Variants in NLRP14 observed in about 807,000 individuals in gnomAD.
NLRP14 encodes the protein NACHT, LRR and PYD domains-containing protein 14.
NLRP14 carries 105 observed loss-of-function variants against 94.7 expected under a neutral mutation model. That is an observed-to-expected ratio of 1.11 (90% CI 0.95 to 1.30). The LOEUF (loss-of-function observed/expected upper bound fraction) is 1.30. Ranked by LOEUF, NLRP14 falls within the 50% of genes most tolerant of loss-of-function variation. The probability of loss-of-function intolerance (pLI) is 0.00; values close to 1 mark genes in which losing one functional copy is unlikely to be tolerated. For missense variants in NLRP14, 1,362 were observed against 1,254.1 expected, an observed-to-expected ratio of 1.09 and a Z score of -1.30; for synonymous variants, 508 against 459.9, an observed-to-expected ratio of 1.10 and a Z score of -1.34.
intron 8 of NLRP14, 121 bp downstream of exon 8, chr11:7,058,571 A>C (rs1852558329): frequency 5.4e-6 from 4 of 742,620 alleles, no homozygotes; most frequent in African/African-American, 1.7e-5. Context: ...TTAATGAAGA[A>C]GGTGAAAGTG....
the NLRP14 span, chr11:7,089,086 C>G: frequency 6.2e-7 from 1 of 1,601,930 alleles, no homozygotes; most frequent in East Asian, 2.2e-5. Context: ...CTCACCGCCT[C>G]CCACCGCCAC....
intron 1 of NLRP14, among the ~76,000 whole-genome samples, chr11:7,026,972 AAAAAG>A (rs1852025399): frequency 1.3e-5 from 2 of 151,974 alleles, no homozygotes; most frequent in Admixed American, 6.6e-5. Context: ...AATAATAATA[AAAAAG>A]AAAAGAAGCA....
At chr11:7,065,132 C>A (rs149213115) in intron 10 of NLRP14, among the ~76,000 whole-genome samples, 174 of 152,164 alleles carry the variant, frequency 1.1e-3, no homozygotes, top group African/African-American at 4.0e-3. Flanking sequence ...GTACTGCCCC[C>A]CAACCTACCT....
chr11:7,056,247 A>G (rs1412119032), intron 6 of NLRP14, among the ~76,000 whole-genome samples: 1 of 152,008 alleles, frequency 6.6e-6, no homozygotes, highest in Non-Finnish European at 1.5e-5. Context: ...GAGTGACACA[A>G]AGCAAGACAA....
At chr11:7,060,476 G>A (rs1437344442) in intron 9 of NLRP14, among the ~76,000 whole-genome samples, 2 of 151,260 alleles carry the variant, frequency 1.3e-5, no homozygotes, top group African/African-American at 4.9e-5. Flanking sequence ...GATTTTTACA[G>A]TATCCTACAA....
At chr11:7,031,406 C>T (rs1382707505) in intron 1 of NLRP14, among the ~76,000 whole-genome samples, 6 of 152,126 alleles carry the variant, frequency 3.9e-5, no homozygotes, top group Non-Finnish European at 7.4e-5. Flanking sequence ...CTGGGCATGG[C>T]GCCGGCCATG....
rs2119679523 is a variant in NLRP14 at position 7,058,392 on chromosome 11, G to C, written c.2575G>C (p.Gly859Arg). The C allele has an allele frequency of 6.2e-7, 1 of 1,612,800 alleles. No individual in the cohort carries two copies. Among genetic ancestry groups the C allele is most frequent in the East Asian group, 2.2e-5 (1 of 44,856 alleles). ...CLADNVLGDGGVKLMSDALQH... is the reference protein window; with the variant it reads ...CLADNVLGDGRVKLMSDALQH... Reference sequence around the variant, plus strand: ...GGCAGACAATGTCTTGGGTGATGGTGGAGTAAAGCTTATGAGTGATGCCCT... The same window carrying C: ...GGCAGACAATGTCTTGGGTGATGGTCGAGTAAAGCTTATGAGTGATGCCCT... Residue 859 changes from glycine (G) to arginine (R), a missense_variant, in exon 8 of 12, where the codon GGA (glycine) becomes CGA (arginine). Gly to Arg is a moderately radical substitution (Grantham distance 125). Transcript: ENST00000299481.
chr11:7,066,537 C>T (rs1184962816), intron 10 of NLRP14, among the ~76,000 whole-genome samples: 2 of 152,154 alleles, frequency 1.3e-5, no homozygotes, highest in African/African-American at 4.8e-5. Flanking sequence ...ATATCCTTTG[C>T]CCACTTTTTG....
chr11:7,077,532 A>G, the NLRP14 span, among the ~76,000 whole-genome samples: 2 of 152,364 alleles, frequency 1.3e-5, no homozygotes, highest in East Asian at 3.9e-4. Context: ...CTGTTTGAAT[A>G]AATGAGGGTG....
At chr11:7,088,681 T>C in the NLRP14 span, among the ~76,000 whole-genome samples, 3 of 34,420 alleles carry the variant, frequency 8.7e-5, no homozygotes, top group Non-Finnish European at 2.4e-4. Context: ...TTTAACTTAA[T>C]AATTTTAGTA....
At position 7,049,703 on chromosome 11, in the gene NLRP14, A is replaced by G. The variant is rs756069175; in HGVS notation, c.2156A>G (p.Gln719Arg). ...LKFITFPDGC[Q>R]DISTSLIHNK... ...TTTATCACTTTCCCTGATGGTTGTC[A>G]GGATATCTCTACTTCTTTGATTCAT... The change falls in exon 6 of 12, where the codon CAG (glutamine) becomes CGG (arginine). Residue 719 changes from glutamine (Q) to arginine (R), a missense_variant. Transcript: ENST00000299481. The G allele has an allele frequency of 6.2e-7, 1 of 1,613,080 alleles. No individual in the cohort carries two copies. Among genetic ancestry groups the G allele is most frequent in the Non-Finnish European group, 8.5e-7 (1 of 1,179,096 alleles).
At chr11:7,069,828 T>A (rs1239157383) in intron 10 of NLRP14, among the ~76,000 whole-genome samples, 1 of 152,094 alleles carries the variant, frequency 6.6e-6, no homozygotes, top group Non-Finnish European at 1.5e-5. Flanking sequence ...GGTTTCACCA[T>A]GTTGGCCTGG....
intron 10 of NLRP14, among the ~76,000 whole-genome samples, chr11:7,065,489 A>C (rs1253427874): frequency 1.3e-5 from 2 of 152,126 alleles, no homozygotes; most frequent in Non-Finnish European, 2.9e-5. Context: ...TCATTTGGGA[A>C]TAATACAATG....
chr11:7,043,298 G>T lies in NLRP14; in HGVS notation c.1272G>T (p.Leu424=). ...GSPSLPNQAQ[L]RRLCQVAAKG... ...CTAGTCTACCCAACCAAGCCCAGCT[G>T]AGAAGACTGTGCCAAGTCGCTGCCA... The change falls in exon 4 of 12, where the codon CTG becomes CTT. Residue 424 remains leucine (L), a synonymous_variant. Transcript: ENST00000299481. 1 of 1,614,206 alleles carries T rather than the reference G, an allele frequency of 6.2e-7. No homozygotes were observed. Among genetic ancestry groups the T allele is most frequent in the Non-Finnish European group, 8.5e-7 (1 of 1,180,014 alleles).
chr11:7,036,900 G>T (rs1852170080), intron 1 of NLRP14, among the ~76,000 whole-genome samples: 1 of 152,164 alleles, frequency 6.6e-6, no homozygotes, highest in South Asian at 2.1e-4. Flanking sequence ...ACAGGGAGAA[G>T]TTGAAGATCA....
chr11:7,034,759 GT>G (rs1852139616), intron 1 of NLRP14, among the ~76,000 whole-genome samples: 1 of 152,074 alleles, frequency 6.6e-6, no homozygotes, highest in Non-Finnish European at 1.5e-5. Context: ...ATTCTTTGCT[GT>G]TTTCTCCTCC....
At position 7,071,242 on chromosome 11, in the gene NLRP14, C is replaced by G; in HGVS notation, c.3216C>G (p.His1072Gln). The change falls in exon 12 of 12, where the codon CAC (histidine) becomes CAG (glutamine). Residue 1072 changes from histidine (H) to glutamine (Q), a missense_variant. His to Gln is a conservative substitution (Grantham distance 24). Coordinates refer to ENST00000299481, the MANE Select transcript of NLRP14 (RefSeq NM_176822.4). ...LLEAVGVSNP[H>Q]LIIKPDCNYH... is the part of the protein sequence containing the mutation. Reference sequence around the variant, plus strand: ...AAGCTGTGGGAGTTAGCAATCCACACTTAATCATTAAGCCAGATTGTAACT... The same window carrying G: ...AAGCTGTGGGAGTTAGCAATCCACAGTTAATCATTAAGCCAGATTGTAACT... The G allele has an allele frequency of 2.5e-6, 4 of 1,612,858 alleles. No homozygotes were observed. Among genetic ancestry groups the G allele is most frequent in the Non-Finnish European group, 3.4e-6 (4 of 1,179,374 alleles).
chr11:7,090,329 T>A, the NLRP14 span: 1 of 1,558,066 alleles, frequency 6.4e-7, no homozygotes, highest in Non-Finnish European at 8.7e-7. Context: ...CAAAAATCCC[T>A]TTTCAACGAA....
chr11:7,082,119 C>A, the NLRP14 span, among the ~76,000 whole-genome samples: 1 of 152,116 alleles, frequency 6.6e-6, no homozygotes, highest in Non-Finnish European at 1.5e-5. Context: ...AGGACAAGAA[C>A]CAAATATATA....
Sources: gnomAD v4.1 joint callset for allele counts (sites outside exome capture counted in the v4.1 genomes callset) on GRCh38, gnomAD v4.1.1 for gene constraint, MANE v1.5 for transcripts, NCBI Gene and HGNC (gene_info 2026-07-23, HGNC 2026-07-21) for gene names.